The following CARMIL2 variants were observed in gnomAD, a reference collection of about 807,000 sequenced individuals.
CARMIL2 encodes the protein capping protein regulator and myosin 1 linker 2, also known as capping protein, Arp2/3 and myosin-I linker protein 2.
CARMIL2 carries 96 observed loss-of-function variants against 173.3 expected under a neutral mutation model. The observed-to-expected ratio is 0.55, with a 90% CI of 0.47 to 0.66. CARMIL2 has a LOEUF of 0.66. Ranked by LOEUF, CARMIL2 falls within the 30% of genes least tolerant of loss-of-function variation. The pLI is 0.00. For synonymous variants in CARMIL2, 830 were observed against 817.1 expected (o/e 1.02, Z -0.27); for missense variants, 1,771 against 1,906.7 (o/e 0.93, Z 1.33).
In CARMIL2 at chr16:67,654,027, C is replaced by G. The variant is rs78032467; in HGVS notation, c.3121-122C>G. The stretch of plus-strand genomic sequence containing the variant: ...CAGTAGGAGGCTGGTATCAGCAGCC[C>G]CTAGGGTCACCCCAGTCTGGAATCC... On this transcript the variant is annotated intron_variant, in intron 29 of 37. Coordinates refer to ENST00000334583, the MANE Select transcript of CARMIL2 (RefSeq NM_001013838.3). 1.5e-3 allele frequency: 985 copies of G among 666,222 alleles called. 14 individuals carry two copies. In the East Asian group the frequency reaches 0.025, roughly 17 times the overall value. The allele number at this position is 666,222 out of a possible 1,614,324, so 41.3% of individuals were successfully genotyped here. A position where few individuals can be genotyped will look rare whatever the true frequency, so the allele number is the denominator to read the frequency against.
In CARMIL2 at chr16:67,655,992, G is replaced by T. The variant is rs1026954204; in HGVS notation, c.3706-39G>T. On this transcript the variant is annotated intron_variant, in intron 32 of 37. Transcript: ENST00000334583. ...CGAACAAAAGGCTAGGGTGTGGGGA[G>T]CGGGCAGGGCTGGAATCTGATTGCC... 2.6e-6 allele frequency: 4 copies of T among 1,563,136 alleles called. No individual in the cohort carries two copies. In the African/African-American group the frequency reaches 5.4e-5, roughly 21 times the overall value.
Position 67,651,303 on chromosome 16 carries a change from C to A in CARMIL2, c.2301C>A (p.Asn767Lys). 6.2e-7 allele frequency: 1 copy of A among 1,613,602 alleles called. No homozygotes were observed. Among genetic ancestry groups the A allele is most frequent in the South Asian group, 1.1e-5 (1 of 91,076 alleles). Residue 767 changes from asparagine to lysine, a missense_variant, in exon 23 of 38, where the codon AAC (asparagine) becomes AAA (lysine). By Grantham distance (94) the Asn-to-Lys change is moderately conservative. Around this residue, in one of 3 missense-constraint regions of CARMIL2, gnomAD observed 817 missense variants for 903.5 expected, o/e 0.90. Transcript: ENST00000334583. This position sits in a 1 kb window ranked among gnomAD's most constrained non-coding sequence, Gnocchi z 4.2. ...CCGAGGATGCCATCCAAAATGCCAA[C>A]TTCTCTCTCAGCGTGAGCACTCCCC... ...RQAEDAIQNA[N>K]FSLSILPILY...
intron 1 of CARMIL2, 39 bp downstream of exon 1, chr16:67,645,325 A>G (rs2052573704): frequency 1.9e-6 from 3 of 1,579,014 alleles, no homozygotes; most frequent in Non-Finnish European, 2.6e-6. Flanking sequence ...GCCGGGAGGA[A>G]GTAGTGCAGC....
chr16:67,657,459 C>T lies in CARMIL2; in HGVS notation c.4249C>T (p.Pro1417Ser), dbSNP rs557611159. 9 of 1,611,546 alleles carry T rather than the reference C, an allele frequency of 5.6e-6. No homozygotes were observed. In the African/African-American group the frequency reaches 1.2e-4, roughly 21 times the overall value. ...LPPQPTEPSSPERSPPSPATD... is the reference protein window; with the variant it reads ...LPPQPTEPSSSERSPPSPATD... ...CCCACAGCCCACAGAGCCCTCCAGCCCTGAGCGGAGCCCACCCTCCCCAGC... is the reference window on the plus strand; with the variant it reads ...CCCACAGCCCACAGAGCCCTCCAGCTCTGAGCGGAGCCCACCCTCCCCAGC... Residue 1417 changes from proline (P) to serine (S), a missense_variant, in exon 38 of 38, where the codon CCT (proline) becomes TCT (serine). Coordinates refer to ENST00000334583, the MANE Select transcript of CARMIL2 (RefSeq NM_001013838.3). The surrounding 1 kb of genome is among the most constrained non-coding windows in gnomAD (Gnocchi z 4.5).
chr16:67,656,185 A>G, intron 33 of CARMIL2, 43 bp from the exon 34 acceptor site: 3 of 1,611,906 alleles, frequency 1.9e-6, no homozygotes, highest in Non-Finnish European at 1.7e-6. Flanking sequence ...TCTTCCCCTC[A>G]CCTCCAAGGT....
rs757009600 is a variant in CARMIL2 at position 67,651,772 on chromosome 16, G to A, written c.2515G>A (p.Val839Ile). The change falls in exon 25 of 38, where the codon GTC becomes ATC. Residue 839 changes from valine to isoleucine, a missense_variant. Around this residue, in one of 3 missense-constraint regions of CARMIL2, gnomAD observed 817 missense variants for 903.5 expected, o/e 0.90. Transcript: ENST00000334583. The surrounding 1 kb of genome is among the most constrained non-coding windows in gnomAD (Gnocchi z 4.2). ...CAGCTGGAGGGAGCAGCTAGAGGGG[G>A]TCCTGGCAGGCTCGAGGGGCCTCCC... ...GSSWREQLEGVLAGSRGLPEL... is the reference protein window; with the variant it reads ...GSSWREQLEGILAGSRGLPEL... 5 of 1,606,852 alleles carry A rather than the reference G, an allele frequency of 3.1e-6. No homozygotes were observed. In the Admixed American group the frequency reaches 5.1e-5, roughly 16 times the overall value.
rs1196553222 is a variant in CARMIL2 at position 67,654,561 on chromosome 16, G to T, written c.3451G>T (p.Ala1151Ser). 6.2e-7 allele frequency: 1 copy of T among 1,611,518 alleles called. No individual in the cohort carries two copies. Residue 1151 changes from alanine (A) to serine (S), a missense_variant, in exon 31 of 38, where the codon GCT becomes TCT. Coordinates refer to ENST00000334583, the MANE Select transcript of CARMIL2 (RefSeq NM_001013838.3). ...CAGCCGTGGTGAGGAGCTTGGTGGG[G>T]CTGAGGGGGACACCAGCAGCCCTGA... is the stretch of plus-strand genomic sequence containing the variant. ...RPSRGEELGGAEGDTSSPDPA... is the reference protein window; with the variant it reads ...RPSRGEELGGSEGDTSSPDPA...
At chr16:67,656,379 C>T (rs756918040) in intron 34 of CARMIL2, 45 bp from the exon 35 acceptor site, 13 of 1,608,238 alleles carry the variant, frequency 8.1e-6, no homozygotes, top group East Asian at 2.2e-5. Flanking sequence ...TCAGACCTAT[C>T]GCCAATGCCT....
In CARMIL2 at chr16:67,649,836, T is replaced by C. The variant is rs1442079469; in HGVS notation, c.1950T>C (p.Ser650=). ...TGGTCTGGGACCGGAACCACACATC[T>C]GCTTTGGGTCTGCTGGACGTGGCGC... The part of the protein sequence containing the change: ...RSVVWDRNHT[S]ALGLLDVAQA... The change falls in exon 21 of 38, where the codon TCT becomes TCC. Residue 650 remains serine (S), a synonymous_variant. Coordinates refer to ENST00000334583, the MANE Select transcript of CARMIL2 (RefSeq NM_001013838.3). This position sits in a 1 kb window ranked among gnomAD's most constrained non-coding sequence, Gnocchi z 6.7. 1 of 1,612,468 alleles carries C rather than the reference T, an allele frequency of 6.2e-7. No individual in the cohort carries two copies. Among genetic ancestry groups the C allele is most frequent in the East Asian group, 2.2e-5 (1 of 44,880 alleles).
rs1184634822 is a variant in CARMIL2 at position 67,648,237 on chromosome 16, G to T, written c.1257G>T (p.Gln419His). The T allele has an allele frequency of 6.2e-7, 1 of 1,602,930 alleles. No homozygotes were observed. Among genetic ancestry groups the T allele is most frequent in the Non-Finnish European group, 8.5e-7 (1 of 1,176,600 alleles). The part of the protein sequence containing the change: ...PAGVANSLPP[Q>H]LFAAVSRGCC... ...GTGTAGCCAACAGCCTCCCCCCGCAGCTCTTCGCAGCGGTATCCCGAGGCT... is the reference window on the plus strand; with the variant it reads ...GTGTAGCCAACAGCCTCCCCCCGCATCTCTTCGCAGCGGTATCCCGAGGCT... Residue 419 changes from glutamine to histidine, a missense_variant, in exon 14 of 38, where the codon CAG becomes CAT. Around this residue, in one of 3 missense-constraint regions of CARMIL2, gnomAD observed 944 missense variants for 975.6 expected, o/e 0.97. Coordinates refer to ENST00000334583, the MANE Select transcript of CARMIL2 (RefSeq NM_001013838.3). This position sits in a 1 kb window ranked among gnomAD's most constrained non-coding sequence, Gnocchi z 6.1.
intron 22 of CARMIL2, 80 bp downstream of exon 22, chr16:67,650,230 TCTGA>T: frequency 8.0e-7 from 1 of 1,242,570 alleles, no homozygotes; most frequent in Non-Finnish European, 1.1e-6. Flanking sequence ...AGTCAGAGGG[TCTGA>T]CTTTCCTGGG....
At position 67,656,586 on chromosome 16, in the gene CARMIL2, G is replaced by C; in HGVS notation, c.3977G>C (p.Ser1326Thr). 1 of 1,611,810 alleles carries C rather than the reference G, an allele frequency of 6.2e-7. No individual in the cohort carries two copies. Among genetic ancestry groups the C allele is most frequent in the South Asian group, 1.1e-5 (1 of 90,988 alleles). ...PGQSPSPCRTSPSPDSLGLPE... is the reference protein window; with the variant it reads ...PGQSPSPCRTTPSPDSLGLPE... ...CAAAGCCCAAGTCCCTGCAGAACCA[G>C]CCCCTCCCCAGACAGCCTGGGCCTC... The change falls in exon 35 of 38, where the codon AGC becomes ACC. Residue 1326 changes from serine to threonine, a missense_variant. By Grantham distance (58) the Ser-to-Thr change is moderately conservative. Around this residue, in one of 3 missense-constraint regions of CARMIL2, gnomAD observed 817 missense variants for 903.5 expected, o/e 0.90. Coordinates refer to ENST00000334583, the MANE Select transcript of CARMIL2 (RefSeq NM_001013838.3).
At chr16:67,655,210 T>C (rs886226313) in intron 32 of CARMIL2, among the ~76,000 whole-genome samples, 4 of 152,144 alleles carry the variant, frequency 2.6e-5, no homozygotes, top group Admixed American at 2.6e-4. Context: ...GCAGGTGGAT[T>C]ACCTGAGGTC....
rs748616015 is a variant in CARMIL2 at position 67,648,031 on chromosome 16, G to A, written c.1072-21G>A. Reference sequence around the variant, plus strand: ...TGGGTAGGCGATCCCCCACTCCATCGCACCCCTGTCCTCCCTCCAGGGCCT... The same window carrying A: ...TGGGTAGGCGATCCCCCACTCCATCACACCCCTGTCCTCCCTCCAGGGCCT... On this transcript the variant is annotated intron_variant, in intron 13 of 37. Coordinates refer to ENST00000334583, the MANE Select transcript of CARMIL2 (RefSeq NM_001013838.3). This position sits in a 1 kb window ranked among gnomAD's most constrained non-coding sequence, Gnocchi z 6.1. The A allele has an allele frequency of 4.3e-5, 70 of 1,609,240 alleles. No individual in the cohort carries two copies. The highest frequency in any genetic ancestry group is 7.6e-6 in the Non-Finnish European group (9 of 1,178,070).
chr16:67,645,787 A>G lies in CARMIL2; in HGVS notation c.186+10A>G. On this transcript the variant is annotated intron_variant, in intron 3 of 37. Coordinates refer to ENST00000334583, the MANE Select transcript of CARMIL2 (RefSeq NM_001013838.3). The stretch of plus-strand genomic sequence containing the variant: ...CTGCCTCCCGCTGAGGGTGAGTCCC[A>G]GGGCCTGGCCACACCCCCGCCCGCC... 1 of 1,611,192 alleles carries G rather than the reference A, an allele frequency of 6.2e-7. No homozygotes were observed. The highest frequency in any genetic ancestry group is 8.5e-7 in the Non-Finnish European group (1 of 1,179,820).
At position 67,649,569 on chromosome 16, in the gene CARMIL2, C is replaced by A. The variant is rs202168339; in HGVS notation, c.1869C>A (p.Asp623Glu). 762 of 1,601,564 alleles carry A rather than the reference C, an allele frequency of 4.8e-4. No homozygotes were observed. Among genetic ancestry groups the A allele is most frequent in the Non-Finnish European group, 6.3e-4 (741 of 1,179,452 alleles). ...ATATCAGCGGCAACGCCATGGGGGACGCGGGCGCCAAGTTGCTGGCCAAGG... is the reference window on the plus strand; with the variant it reads ...ATATCAGCGGCAACGCCATGGGGGAAGCGGGCGCCAAGTTGCTGGCCAAGG... Reference protein sequence around the residue: ...ALDISGNAMGDAGAKLLAKAL... With the variant: ...ALDISGNAMGEAGAKLLAKAL... The change falls in exon 20 of 38, where the codon GAC becomes GAA. Residue 623 changes from aspartate to glutamate, a missense_variant. Asp to Glu is a conservative substitution (Grantham distance 45). Coordinates refer to ENST00000334583, the MANE Select transcript of CARMIL2 (RefSeq NM_001013838.3). This position sits in a 1 kb window ranked among gnomAD's most constrained non-coding sequence, Gnocchi z 6.7.
rs946770113 is a variant in CARMIL2, at chr16:67,647,286, C to G, written c.688-13C>G. 1 of 1,608,476 alleles carries G rather than the reference C, an allele frequency of 6.2e-7. No homozygotes were observed. The highest frequency in any genetic ancestry group is 1.3e-5 in the African/African-American group (1 of 74,950). ...AGGGTGCAGCCCGTGAGCCGCCGCC[C>G]TCTGCTTCTCAGAGCCTTGAGGTCT... On this transcript the variant is annotated splice_polypyrimidine_tract_variant and intron_variant, in intron 9 of 37. Coordinates refer to ENST00000334583, the MANE Select transcript of CARMIL2 (RefSeq NM_001013838.3).
rs1384864130 is a variant in CARMIL2 at position 67,646,304 on chromosome 16, C to G, written c.368C>G (p.Thr123Ser). The change falls in exon 5 of 38, where the codon ACC (threonine) becomes AGC (serine). Residue 123 changes from threonine to serine, a missense_variant. Physicochemically the swap from Thr to Ser is moderately conservative, Grantham distance 58. This residue lies in a region of CARMIL2 where 944 missense variants were observed against 975.6 expected (regional missense o/e 0.97). Transcript: ENST00000334583. This position sits in a 1 kb window ranked among gnomAD's most constrained non-coding sequence, Gnocchi z 4.6. ...ATCAAGAAGGTCTTCCCTCGCTCGACCCTTGGGTGAGGCCTGGCAAATTCG... is the reference window on the plus strand; with the variant it reads ...ATCAAGAAGGTCTTCCCTCGCTCGAGCCTTGGGTGAGGCCTGGCAAATTCG... ...AAIKKVFPRSTLGKLFRRPTP... is the reference protein window; with the variant it reads ...AAIKKVFPRSSLGKLFRRPTP... 3 of 1,613,184 alleles carry G rather than the reference C, an allele frequency of 1.9e-6. No individual in the cohort carries two copies. The highest frequency in any genetic ancestry group is 2.5e-6 in the Non-Finnish European group (3 of 1,179,564).
In CARMIL2 at chr16:67,647,361, G is replaced by A; in HGVS notation, c.750G>A (p.Leu250=). ...MMSQSSHLEE[L]VLETCSLRGD... ...GTCAGTCATCACACCTGGAGGAGCTGGTGCTGGAGACCTGCAGCCTGAGGG... is the reference window on the plus strand; with the variant it reads ...GTCAGTCATCACACCTGGAGGAGCTAGTGCTGGAGACCTGCAGCCTGAGGG... Residue 250 remains leucine, a synonymous_variant, in exon 10 of 38, where the codon CTG becomes CTA. Coordinates refer to ENST00000334583, the MANE Select transcript of CARMIL2 (RefSeq NM_001013838.3). 1 of 1,583,040 alleles carries A rather than the reference G, an allele frequency of 6.3e-7. No individual in the cohort carries two copies. Among genetic ancestry groups the A allele is most frequent in the Non-Finnish European group, 8.6e-7 (1 of 1,164,524 alleles).
Sources: allele counts gnomAD v4.1 joint callset (sites outside exome capture counted in the v4.1 genomes callset), GRCh38; gene constraint gnomAD v4.1.1; regional missense constraint gnomAD v4.1.1; non-coding constraint Gnocchi (gnomAD v3.1); transcripts MANE v1.5; gene names NCBI Gene and HGNC (gene_info 2026-07-23, HGNC 2026-07-21).